Variants in SLC39A11 observed in about 807,000 individuals in gnomAD.
The protein encoded by SLC39A11 is solute carrier family 39 member 11.
In SLC39A11, 33 loss-of-function variants were observed where a neutral mutation model predicts 36.1. The ratio of observed to expected loss-of-function variants is 0.91; its 90% confidence interval spans 0.69 to 1.22. The LOEUF is 1.22. SLC39A11 is among the 50% of genes most tolerant of loss of function. SLC39A11 has a pLI of 0.00. For missense variants in SLC39A11, 432 were observed against 430.3 expected (o/e 1.00, Z -0.03); for synonymous variants, 166 against 170.3 (o/e 0.97, Z 0.20).
intron 7 of SLC39A11, 117 bp downstream of exon 7, chr17:72,736,533 T>A: frequency 1.2e-6 from 1 of 853,288 alleles, no homozygotes; most frequent in Non-Finnish European, 2.0e-6. Context: ...TCAGTCTTGG[T>A]CCTGTGGGGC....
chr17:72,852,197 T>C (rs1598108896), intron 5 of SLC39A11, among the ~76,000 whole-genome samples: 2 of 22,542 alleles, frequency 8.9e-5, no homozygotes, highest in Non-Finnish European at 1.2e-4. Flanking sequence ...AGAGCAAGAC[T>C]CCGTCTCAAA....
At chr17:73,079,310 T>C (rs1395696341) in intron 3 of SLC39A11, among the ~76,000 whole-genome samples, 1 of 152,150 alleles carries the variant, frequency 6.6e-6, no homozygotes, top group Non-Finnish European at 1.5e-5. Flanking sequence ...TTGGTCACGC[T>C]GGTCTCAAAC....
intron 6 of SLC39A11, chr17:72,838,228 TTTC>T (rs930789680): frequency 1.4e-4 from 54 of 377,496 alleles, no homozygotes; most frequent in African/African-American, 7.8e-4. Context: ...TTTCTTTCCT[TTTC>T]TTTTTTTTTT....
chr17:72,995,685 T>G (rs755174048), intron 4 of SLC39A11, among the ~76,000 whole-genome samples: 1 of 152,214 alleles, frequency 6.6e-6, no homozygotes, highest in African/African-American at 2.4e-5. Context: ...GTGGCACTCC[T>G]GGTTCCTGGG....
chr17:72,648,561 C>CG (rs1197040465), intron 9 of SLC39A11, among the ~76,000 whole-genome samples: 1 of 151,930 alleles, frequency 6.6e-6, no homozygotes, highest in African/African-American at 2.4e-5. Context: ...CATCAAGGGA[C>CG]GGGGGGCAGG....
intron 6 of SLC39A11, among the ~76,000 whole-genome samples, chr17:72,747,776 C>G (rs192678478): frequency 2.0e-5 from 3 of 152,332 alleles, no homozygotes; most frequent in Admixed American, 2.0e-4. Flanking sequence ...AAGGCAGGAA[C>G]TCTGATCATA....
chr17:72,867,686 A>G (rs1350709850), intron 5 of SLC39A11, among the ~76,000 whole-genome samples: 1 of 152,114 alleles, frequency 6.6e-6, no homozygotes, highest in Admixed American at 6.5e-5. Context: ...ATAAATCTTG[A>G]GCCAGGCCAT....
intron 4 of SLC39A11, among the ~76,000 whole-genome samples, chr17:72,965,813 C>G (rs929157869): frequency 6.6e-6 from 1 of 152,200 alleles, no homozygotes; most frequent in Non-Finnish European, 1.5e-5. Context: ...GCTGAGAAAT[C>G]TGAACAGAGA....
chr17:72,978,581 T>C (rs2088043567), intron 4 of SLC39A11, among the ~76,000 whole-genome samples: 1 of 151,110 alleles, frequency 6.6e-6, no homozygotes, highest in South Asian at 2.1e-4. Flanking sequence ...GAATAGCAGA[T>C]GCAAAGGCCG....
At chr17:72,725,667 C>A (rs2073895430) in intron 7 of SLC39A11, 1 of 152,156 alleles carries the variant, frequency 6.6e-6, no homozygotes, top group African/African-American at 2.4e-5. Flanking sequence ...CGTGGTGGCG[C>A]CGTCTGTCCA....
chr17:72,907,051 A>G (rs1168490748), intron 5 of SLC39A11, among the ~76,000 whole-genome samples: 1 of 152,240 alleles, frequency 6.6e-6, no homozygotes, highest in African/African-American at 2.4e-5. Flanking sequence ...TTAAAGTCCC[A>G]CAATCACCAG....
chr17:73,000,757 ACT>A (rs1156667000), intron 4 of SLC39A11, among the ~76,000 whole-genome samples: 2 of 152,104 alleles, frequency 1.3e-5, no homozygotes, highest in East Asian at 3.8e-4. Context: ...TCCTACATTG[ACT>A]CTCAGCCCAA....
chr17:72,949,551 C>A (rs1236987493), intron 4 of SLC39A11, among the ~76,000 whole-genome samples: 1 of 151,944 alleles, frequency 6.6e-6, no homozygotes, highest in Non-Finnish European at 1.5e-5. Flanking sequence ...TGAGAGCCTG[C>A]TTCTTGGTTC....
At chr17:72,688,831 C>T (rs1336076810) in intron 7 of SLC39A11, among the ~76,000 whole-genome samples, 1 of 152,198 alleles carries the variant, frequency 6.6e-6, no homozygotes, top group East Asian at 1.9e-4. Context: ...AGGTCAGGTT[C>T]CCCCTGGTGG....
intron 6 of SLC39A11, among the ~76,000 whole-genome samples, chr17:72,824,257 ACTCT>A (rs1251323089): frequency 1.4e-5 from 2 of 147,490 alleles, no homozygotes; most frequent in African/African-American, 5.0e-5. Context: ...CTTCCCCTTC[ACTCT>A]CTCTCTCTCC....
chr17:72,891,961 G>A (rs2081767801), intron 5 of SLC39A11, among the ~76,000 whole-genome samples: 1 of 152,152 alleles, frequency 6.6e-6, no homozygotes, highest in African/African-American at 2.4e-5. Context: ...CTAGCACAGT[G>A]TCCAGCACAC....
chr17:72,776,262 TC>T (rs1228917671), intron 6 of SLC39A11, among the ~76,000 whole-genome samples: 1 of 152,150 alleles, frequency 6.6e-6, no homozygotes, highest in Non-Finnish European at 1.5e-5. Context: ...ACTCAATGCT[TC>T]CCAAGTGTAA....
At chr17:72,672,374 A>G (rs977511387) in intron 7 of SLC39A11, among the ~76,000 whole-genome samples, 1 of 152,170 alleles carries the variant, frequency 6.6e-6, no homozygotes, top group Admixed American at 6.5e-5. Context: ...GCTTGAACCC[A>G]GGAGGTGGAT....
In SLC39A11 at chr17:72,849,889, G is replaced by A. The variant is rs1023963709; in HGVS notation, c.431-85C>T. On this transcript the variant is annotated intron_variant, in intron 5 of 9. Coordinates refer to ENST00000255559, the MANE Select transcript of SLC39A11 (RefSeq NM_139177.4). ...TTAACTCTCCAGCAAGCTACAGCAGGAAGAAGCTTCTTTTTCTTTTTTGAG... is the reference window on the plus strand; with the variant it reads ...TTAACTCTCCAGCAAGCTACAGCAGAAAGAAGCTTCTTTTTCTTTTTTGAG... The A allele has an allele frequency of 2.3e-6, 3 of 1,287,940 alleles. No homozygotes were observed. The Admixed American group carries it at 8.4e-5, about 36-fold the overall frequency. 79.8% of individuals were successfully genotyped at this position (1,287,940 alleles called of 1,614,324 possible).
Sources: allele counts gnomAD v4.1 joint callset (sites outside exome capture counted in the v4.1 genomes callset), GRCh38; gene constraint gnomAD v4.1.1; transcripts MANE v1.5; gene names NCBI Gene and HGNC (gene_info 2026-07-23, HGNC 2026-07-21).